The following OSBPL8 variants were observed in gnomAD, a reference collection of about 807,000 sequenced individuals.
OSBPL8 encodes the protein oxysterol binding protein like 8.
Under a neutral mutation model 125.5 loss-of-function variants are expected in OSBPL8, and 59 were observed. The ratio of observed to expected loss-of-function variants is 0.47; its 90% CI spans 0.38 to 0.58. The LOEUF (loss-of-function observed/expected upper bound fraction) is 0.58. OSBPL8 is among the 20% of genes least tolerant of loss of function. The pLI is 0.00. For synonymous variants in OSBPL8, 330 were observed against 338.9 expected (o/e 0.97, Z 0.29); for missense variants, 758 against 1,047.8 (o/e 0.72, Z 3.82).
At chr12:76,364,565 G>C (rs1952335740) in intron 21 of OSBPL8, among the ~76,000 whole-genome samples, 1 of 152,070 alleles carries the variant, frequency 6.6e-6, no homozygotes, top group African/African-American at 2.4e-5. Flanking sequence ...CAGGTTGATG[G>C]GTGCAGCAAA....
rs576884615 is a variant in OSBPL8 at position 76,507,067 on chromosome 12, C to T, written c.-67-19449G>A. Among the ~76,000 whole-genome samples the T allele has an allele frequency of 3.4e-4, 52 of 151,628 alleles. 2 individuals carry two copies. The highest frequency in any genetic ancestry group is 1.2e-3 in the African/African-American group (48 of 41,040). ...CATATTGACTCATTTCTCAAAACTG[C>T]CAAACTAAAGCCAGGCCTGCATCCT... is the stretch of plus-strand genomic sequence containing the variant. On this transcript the variant is annotated intron_variant, in intron 1 of 23. Transcript: ENST00000261183.
intron 4 of OSBPL8, among the ~76,000 whole-genome samples, chr12:76,433,912 T>G (rs962647489): frequency 2.1e-5 from 3 of 144,926 alleles, no homozygotes; most frequent in South Asian, 4.4e-4. Context: ...GAGGCGGAGG[T>G]TGCAGTGAGC....
Position 76,442,163 on chromosome 12 carries a change from G to A in OSBPL8, c.217+8688C>T, listed in dbSNP as rs150169496. Among the ~76,000 whole-genome samples, 809 of 152,118 alleles carry A rather than the reference G, an allele frequency of 5.3e-3. 7 individuals are homozygous for A. Among genetic ancestry groups the A allele is most frequent in the African/African-American group, 0.019 (780 of 41,512 alleles). The stretch of plus-strand genomic sequence containing the variant: ...TGTTAAAGAAACAATTAATAAGGCC[G>A]GGCAAGAATAAGACAGCTGCCCCCT... On this transcript the variant is annotated intron_variant, in intron 4 of 23. Coordinates refer to ENST00000261183, the MANE Select transcript of OSBPL8 (RefSeq NM_020841.5).
chr12:76,382,486 C>G (rs1306024329), intron 15 of OSBPL8, among the ~76,000 whole-genome samples: 3 of 152,082 alleles, frequency 2.0e-5, no homozygotes, highest in African/African-American at 7.2e-5. Flanking sequence ...CTGGCATCTA[C>G]CTACTGGATC....
intron 4 of OSBPL8, among the ~76,000 whole-genome samples, chr12:76,430,729 A>C (rs1358502029): frequency 6.6e-6 from 1 of 152,204 alleles, no homozygotes; most frequent in Non-Finnish European, 1.5e-5. Flanking sequence ...TGATATATTC[A>C]ATGTACTGAA....
In OSBPL8 at chr12:76,389,745, T is replaced by C. The variant is rs764459057; in HGVS notation, c.1252A>G (p.Met418Val). ...GGCAGAACCACCTTGGATAGGTCCA[T>C]GCCAGGACGGACTTGTTTCAATAGT... is the stretch of plus-strand genomic sequence containing the variant. ...WTLLKQVRPG[M>V]DLSKVVLPTF... Residue 418 changes from methionine (M) to valine (V), a missense_variant, in exon 12 of 24, where the codon ATG (methionine) becomes GTG (valine). Physicochemically the swap from Met to Val is conservative, Grantham distance 21. Around this residue, in one of 3 missense-constraint regions of OSBPL8, gnomAD observed 572 missense variants for 762.0 expected, o/e 0.75. Transcript: ENST00000261183. 2 of 1,607,362 alleles carry C rather than the reference T, an allele frequency of 1.2e-6. No homozygotes were observed. Among genetic ancestry groups the C allele is most frequent in the South Asian group, 1.1e-5 (1 of 90,060 alleles).
intron 1 of OSBPL8, among the ~76,000 whole-genome samples, chr12:76,555,151 A>AT (rs1036892457): frequency 1.6e-4 from 25 of 152,156 alleles, no homozygotes; most frequent in African/African-American, 5.5e-4. Context: ...TTTTTGGTAA[A>AT]TTTTTTCTTA....
intron 2 of OSBPL8, among the ~76,000 whole-genome samples, chr12:76,487,281 T>C (rs1381903527): frequency 2.0e-5 from 3 of 152,090 alleles, no homozygotes; most frequent in Non-Finnish European, 4.4e-5. Flanking sequence ...TCCACCCATC[T>C]CGGCCTCCCA....
At chr12:76,542,076 C>T (rs993903027) in intron 1 of OSBPL8, among the ~76,000 whole-genome samples, 1 of 151,980 alleles carries the variant, frequency 6.6e-6, no homozygotes, top group Non-Finnish European at 1.5e-5. Flanking sequence ...GAGGCTGAGG[C>T]AGGAGAATCG....
intron 5 of OSBPL8, among the ~76,000 whole-genome samples, chr12:76,408,143 TAA>T (rs376221340): frequency 2.3e-3 from 210 of 92,014 alleles, no homozygotes; most frequent in African/African-American, 8.5e-3. Flanking sequence ...CCTCATCTCT[TAA>T]AAAAAAAAAA....
rs1951887259 is a variant in OSBPL8 at position 76,353,395 on chromosome 12, CAT to C, written c.*2492_*2493del. 6.7e-6 allele frequency: 1 copy of C among 150,006 alleles called. No individual in the cohort carries two copies. The highest frequency in any genetic ancestry group is 2.5e-5 in the African/African-American group (1 of 40,766). 9.3% of individuals were successfully genotyped at this position (150,006 alleles called of 1,614,324 possible). A position where few individuals can be genotyped will look rare whatever the true frequency, so the allele number is the denominator to read the frequency against. On this transcript the variant is annotated 3_prime_UTR_variant, in exon 24 of 24. Transcript: ENST00000261183. ...ATTTAACAGCTAAAAAGAAAATGCA[CAT>C]GTGAATAATTATTACTCAATTAAAT...
intron 1 of OSBPL8, among the ~76,000 whole-genome samples, chr12:76,489,016 G>A (rs1348480846): frequency 6.6e-6 from 1 of 152,196 alleles, no homozygotes; most frequent in Non-Finnish European, 1.5e-5. Context: ...CAGCCTTATT[G>A]CTGATATACA....
intron 3 of OSBPL8, 113 bp downstream of exon 3, chr12:76,459,746 A>G: frequency 8.1e-7 from 1 of 1,241,402 alleles, no homozygotes; most frequent in South Asian, 1.3e-5. Flanking sequence ...TCCTGGAAAG[A>G]AAAGTAGAAC....
At position 76,352,661 on chromosome 12, in the gene OSBPL8, A is replaced by C. The variant is rs1033838357; in HGVS notation, c.*3228T>G. 4 of 152,548 alleles carry C rather than the reference A, an allele frequency of 2.6e-5. No individual in the cohort carries two copies. The highest frequency in any genetic ancestry group is 1.5e-5 in the Non-Finnish European group (1 of 67,960). 9.4% of individuals were successfully genotyped at this position (152,548 alleles called of 1,614,324 possible). A position where few individuals can be genotyped will look rare whatever the true frequency, so the allele number is the denominator to read the frequency against. On this transcript the variant is annotated 3_prime_UTR_variant, in exon 24 of 24. Transcript: ENST00000261183. ...ATGATTCAATATAATCTGCAGTCTC[A>C]TGTATGGCTTATCAATAATGCCATC...
intron 4 of OSBPL8, among the ~76,000 whole-genome samples, chr12:76,421,556 AAT>A: frequency 6.6e-6 from 1 of 152,096 alleles, no homozygotes; most frequent in Non-Finnish European, 1.5e-5. Context: ...TATCAACATG[AAT>A]ATTCAGAAAG....
intron 4 of OSBPL8, among the ~76,000 whole-genome samples, chr12:76,428,953 CCTCT>C (rs1870488310): frequency 1.3e-5 from 2 of 151,994 alleles, no homozygotes; most frequent in African/African-American, 4.8e-5. Flanking sequence ...CAATGATAAG[CCTCT>C]CTGTCAATTT....
intron 4 of OSBPL8, among the ~76,000 whole-genome samples, chr12:76,441,170 G>C (rs1055406558): frequency 6.6e-6 from 1 of 152,070 alleles, no homozygotes; most frequent in African/African-American, 2.4e-5. Flanking sequence ...TCTACTACAG[G>C]ACTATTTACA....
chr12:76,490,829 G>A (rs1385866014), intron 1 of OSBPL8, among the ~76,000 whole-genome samples: 1 of 152,202 alleles, frequency 6.6e-6, no homozygotes, highest in Non-Finnish European at 1.5e-5. Context: ...AGAGCTAACA[G>A]AGCACTGTAA....
At chr12:76,375,735 T>C (rs926750395) in intron 16 of OSBPL8, among the ~76,000 whole-genome samples, 1 of 115,892 alleles carries the variant, frequency 8.6e-6, no homozygotes, top group Non-Finnish European at 1.9e-5. Flanking sequence ...AGCTCCCACA[T>C]TGTTTTAAAA....
Sources: gnomAD v4.1 joint callset for allele counts (sites outside exome capture counted in the v4.1 genomes callset) on GRCh38, gnomAD v4.1.1 for gene constraint, gnomAD v4.1.1 regional missense constraint, MANE v1.5 for transcripts, NCBI Gene and HGNC (gene_info 2026-07-23, HGNC 2026-07-21) for gene names.